Variants in CTNNA2 observed in about 807,000 individuals in gnomAD.
CTNNA2 encodes catenin alpha-2.
In CTNNA2, 42 loss-of-function variants were observed where a neutral mutation model predicts 101.0. The ratio of observed to expected loss-of-function variants is 0.42; its 90% CI spans 0.32 to 0.54. The LOEUF is 0.54. CTNNA2 is among the 20% of genes least tolerant of loss of function. The probability of loss-of-function intolerance (pLI) is 0.14; values close to 1 mark genes in which losing one functional copy is unlikely to be tolerated. For synonymous variants in CTNNA2, 450 were observed against 456.4 expected, an observed-to-expected ratio of 0.99 and a Z score of 0.18; for missense variants, 871 against 1,223.1, an observed-to-expected ratio of 0.71 and a Z score of 4.29.
At chr2:79,636,569 A>T (rs1680084394) in intron 1 of CTNNA2, among the ~76,000 whole-genome samples, 7 of 152,148 alleles carry the variant, frequency 4.6e-5, no homozygotes, top group Admixed American at 4.6e-4. Context: ...CTGTGTGATG[A>T]AATAAGATTT....
At chr2:79,185,504 A>G (rs922727367) in intron 1 of CTNNA2, 7 of 152,212 alleles carry the variant, frequency 4.6e-5, no homozygotes, top group Admixed American at 4.6e-4. Context: ...ATCTTGGGAC[A>G]TTAGAATGTC....
chr2:80,442,985 A>G (rs759232026), intron 9 of CTNNA2, among the ~76,000 whole-genome samples: 8 of 152,190 alleles, frequency 5.3e-5, no homozygotes, highest in Non-Finnish European at 1.2e-4. Context: ...GGGGCCTGCA[A>G]TAAGGAACTG....
intron 9 of CTNNA2, among the ~76,000 whole-genome samples, chr2:80,498,105 C>G (rs966857355): frequency 1.2e-4 from 19 of 152,128 alleles, no homozygotes; most frequent in Non-Finnish European, 2.1e-4. Flanking sequence ...TATCAAGTCT[C>G]TTAGTTAATA....
At chr2:80,613,062 G>A (rs916837325) in intron 17 of CTNNA2, 4 of 101,390 alleles carry the variant, frequency 3.9e-5, no homozygotes, top group African/African-American at 1.7e-4. Flanking sequence ...TGGAGAAATT[G>A]TGACAAATGA....
At chr2:79,692,076 G>T (rs1013024608) in intron 2 of CTNNA2, among the ~76,000 whole-genome samples, 3 of 152,158 alleles carry the variant, frequency 2.0e-5, no homozygotes, top group Non-Finnish European at 4.4e-5. Flanking sequence ...TATCACCAGA[G>T]TGAACAGGCA....
At chr2:80,539,321 T>TTTGTTG (rs201550094) in intron 9 of CTNNA2, among the ~76,000 whole-genome samples, 1 of 122,496 alleles carries the variant, frequency 8.2e-6, no homozygotes, top group Non-Finnish European at 1.8e-5. Flanking sequence ...CTTTTTTTTT[T>TTTGTTG]TTGTTGTTGT....
chr2:80,643,902 T>A (rs1258464650), intron 18 of CTNNA2, among the ~76,000 whole-genome samples: 1 of 152,118 alleles, frequency 6.6e-6, no homozygotes, highest in Non-Finnish European at 1.5e-5. Context: ...ATTTGGGCTA[T>A]GAGGATGAGA....
chr2:79,285,525 C>G (rs1675545181), intron 2 of CTNNA2, among the ~76,000 whole-genome samples: 1 of 139,588 alleles, frequency 7.2e-6, no homozygotes, highest in Non-Finnish European at 1.5e-5. Context: ...AGTAGTCATT[C>G]AGGAGCAGGT....
intron 9 of CTNNA2, among the ~76,000 whole-genome samples, chr2:80,517,588 A>G (rs1689201548): frequency 6.6e-6 from 1 of 152,164 alleles, no homozygotes; most frequent in Non-Finnish European, 1.5e-5. Context: ...GTAACTGTAT[A>G]CCTTTTGCCA....
intron 7 of CTNNA2, among the ~76,000 whole-genome samples, chr2:80,043,161 CCTTCCTTCCTTCCTTCCTTCCTTTCTTT>C (rs1558755569): frequency 1.5e-4 from 13 of 85,592 alleles, no homozygotes; most frequent in Non-Finnish European, 2.7e-4. Flanking sequence ...TTCCTTCCTT[CCTTCCTTCCTTCCTTCCTTCCTTTCTTT>C]CTTTCTTTCT....
chr2:79,469,467 C>G lies in CTNNA2; in HGVS notation c.-134-35587C>G, dbSNP rs187310115. ...CCAGAGGTACAAGGAGGAGCTGGTA[C>G]CATTCCTTCTGAAACTATTCCAATC... is the stretch of plus-strand genomic sequence containing the variant. On this transcript the variant is annotated intron_variant, in intron 4 of 21. Transcript: ENST00000466387. Among the ~76,000 whole-genome samples, 730 of 152,262 alleles carry G rather than the reference C, an allele frequency of 4.8e-3. 7 individuals carry two copies. Among genetic ancestry groups the G allele is most frequent in the African/African-American group, 0.016 (668 of 41,550 alleles).
intron 3 of CTNNA2, among the ~76,000 whole-genome samples, chr2:79,807,518 T>C (rs1019292469): frequency 6.6e-6 from 1 of 152,228 alleles, no homozygotes; most frequent in South Asian, 2.1e-4. Context: ...ACATGCTCTT[T>C]TAAATTTCAC....
intron 1 of CTNNA2, among the ~76,000 whole-genome samples, chr2:79,538,742 A>C (rs1673225785): frequency 6.6e-6 from 1 of 152,210 alleles, no homozygotes; most frequent in Admixed American, 6.5e-5. Context: ...GGCTGGGAAC[A>C]GATTTTATAT....
intron 3 of CTNNA2, among the ~76,000 whole-genome samples, chr2:79,337,695 GTATT>G (rs1327913927): frequency 6.6e-6 from 1 of 151,982 alleles, no homozygotes; most frequent in Non-Finnish European, 1.5e-5. Flanking sequence ...CATTTAACAA[GTATT>G]TATCAAGTAT....
intron 2 of CTNNA2, among the ~76,000 whole-genome samples, chr2:79,673,369 C>A (rs1370088290): frequency 6.6e-6 from 1 of 151,964 alleles, no homozygotes; most frequent in Admixed American, 6.6e-5. Context: ...TTACCTTTAT[C>A]TTTTTAAAAA....
intron 9 of CTNNA2, among the ~76,000 whole-genome samples, chr2:80,513,971 C>T (rs943577842): frequency 6.6e-6 from 1 of 152,202 alleles, no homozygotes; most frequent in Non-Finnish European, 1.5e-5. Flanking sequence ...GAATCACATT[C>T]TTTTTCTCAG....
chr2:79,935,965 G>A (rs953863405), intron 7 of CTNNA2, among the ~76,000 whole-genome samples: 1 of 152,174 alleles, frequency 6.6e-6, no homozygotes, highest in East Asian at 1.9e-4. Flanking sequence ...TGCTGCAACC[G>A]TTTCCCGTGT....
intron 7 of CTNNA2, among the ~76,000 whole-genome samples, chr2:80,070,851 T>A (rs1402979907): frequency 6.6e-6 from 1 of 152,114 alleles, no homozygotes; most frequent in East Asian, 1.9e-4. Context: ...CTACCTACAT[T>A]CCTTGGCCAT....
At chr2:80,281,773 CTAA>C (rs563560432) in intron 7 of CTNNA2, among the ~76,000 whole-genome samples, 92 of 151,910 alleles carry the variant, frequency 6.1e-4, no homozygotes, top group African/African-American at 2.1e-3. Context: ...AAATATAATA[CTAA>C]TAAGTGAATA....
Sources: allele counts gnomAD v4.1 joint callset (sites outside exome capture counted in the v4.1 genomes callset), GRCh38; gene constraint gnomAD v4.1.1; transcripts MANE v1.5; gene names NCBI Gene and HGNC (gene_info 2026-07-23, HGNC 2026-07-21).